KLHL14: variants seen among roughly 807,000 people sequenced by gnomAD.
KLHL14 encodes kelch-like protein 14.
Under a neutral mutation model 64.3 loss-of-function variants are expected in KLHL14, and 22 were observed. The ratio of observed to expected loss-of-function variants is 0.34; its 90% CI spans 0.24 to 0.49. KLHL14 has a LOEUF of 0.49. Ranked by LOEUF, KLHL14 falls within the 20% of genes least tolerant of loss-of-function variation. The pLI, the probability that KLHL14 is intolerant of heterozygous loss-of-function variation, is 0.99. For missense variants in KLHL14, 661 were observed against 789.0 expected, an observed-to-expected ratio of 0.84 and a Z score of 1.94; for synonymous variants, 322 against 333.4, an observed-to-expected ratio of 0.97 and a Z score of 0.37.
At chr18:32,689,725 G>C (rs941868161) in intron 4 of KLHL14, among the ~76,000 whole-genome samples, 5 of 152,162 alleles carry the variant, frequency 3.3e-5, no homozygotes, top group African/African-American at 1.2e-4. Context: ...CTTTAGGATT[G>C]GGGCAGAAAC....
At position 32,687,140 on chromosome 18, in the gene KLHL14, G is replaced by GAAATAA; in HGVS notation, c.1238+9_1238+14dup. 1 of 1,609,660 alleles carries GAAATAA rather than the reference G, an allele frequency of 6.2e-7. No individual in the cohort carries two copies. On this transcript the variant is annotated intron_variant, in intron 5 of 8. Coordinates refer to ENST00000359358, the MANE Select transcript of KLHL14 (RefSeq NM_020805.3). ...GCCGTCACAAACGTTTCAGGTGCAA[G>GAAATAA]AAATAAACACTTACCTTTCCTGCAT...
At chr18:32,692,376 G>C (rs2049911863) in intron 4 of KLHL14, among the ~76,000 whole-genome samples, 1 of 151,656 alleles carries the variant, frequency 6.6e-6, no homozygotes, top group South Asian at 2.1e-4. Flanking sequence ...TTTCATCTCT[G>C]GGACTGACAT....
intron 4 of KLHL14, among the ~76,000 whole-genome samples, chr18:32,694,885 A>C (rs1281578470): frequency 6.6e-6 from 1 of 152,152 alleles, no homozygotes; most frequent in African/African-American, 2.4e-5. Context: ...ACGTGCGTTA[A>C]AATGTTTAAT....
chr18:32,770,649 TG>T lies in KLHL14; in HGVS notation c.-43-16del, dbSNP rs775612027. The T allele has an allele frequency of 3.7e-6, 1 of 267,902 alleles. No homozygotes were observed. Among genetic ancestry groups the T allele is most frequent in the East Asian group, 1.0e-4 (1 of 9,798 alleles). The allele number at this position is 267,902 out of a possible 1,614,324, so 16.6% of individuals were successfully genotyped here. On this transcript the variant is annotated splice_polypyrimidine_tract_variant and intron_variant, in intron 1 of 8. Transcript: ENST00000359358. The surrounding 1 kb of genome is among the most constrained non-coding windows in gnomAD (Gnocchi z 6.7). ...CCTCCTCCAACCTGGCAGACAGGGGTGGGGGATGGGAGGGAGGGGAGCAGGG... is the reference window on the plus strand; with the variant it reads ...CCTCCTCCAACCTGGCAGACAGGGGTGGGGATGGGAGGGAGGGGAGCAGGG...
chr18:32,737,921 A>G (rs2050174406), intron 3 of KLHL14: 1 of 152,204 alleles, frequency 6.6e-6, no homozygotes, highest in Non-Finnish European at 1.5e-5. Flanking sequence ...ACTTAGCTCC[A>G]TAATTTTCAT....
chr18:32,762,766 A>G (rs536829003), intron 2 of KLHL14, among the ~76,000 whole-genome samples: 2 of 152,124 alleles, frequency 1.3e-5, no homozygotes, highest in Non-Finnish European at 2.9e-5. Flanking sequence ...TGTATTGTGA[A>G]TTATCTTGGA....
intron 3 of KLHL14, among the ~76,000 whole-genome samples, chr18:32,739,512 T>TA: frequency 6.6e-6 from 1 of 152,074 alleles, no homozygotes; most frequent in African/African-American, 2.4e-5. Context: ...AAACTATATA[T>TA]TTTTAAGTAC....
intron 2 of KLHL14, among the ~76,000 whole-genome samples, chr18:32,752,325 G>A (rs1048054625): frequency 3.3e-5 from 5 of 152,074 alleles, no homozygotes; most frequent in African/African-American, 1.2e-4. Flanking sequence ...AAAAGGCAAT[G>A]GGGAAAAAGG....
intron 2 of KLHL14, among the ~76,000 whole-genome samples, chr18:32,742,528 C>T (rs1176039990): frequency 2.6e-5 from 4 of 152,144 alleles, no homozygotes; most frequent in Non-Finnish European, 2.9e-5. Flanking sequence ...ACTTCAAATA[C>T]GAGTTTGGTA....
Position 32,674,585 on chromosome 18 carries a change from C to T in KLHL14, c.*72G>A. The T allele has an allele frequency of 2.7e-6, 2 of 741,534 alleles. No homozygotes were observed. Among genetic ancestry groups the T allele is most frequent in the Non-Finnish European group, 5.0e-6 (2 of 396,582 alleles). The allele number at this position is 741,534 out of a possible 1,614,324, so 45.9% of individuals were successfully genotyped here. On this transcript the variant is annotated 3_prime_UTR_variant, in exon 9 of 9. Transcript: ENST00000359358. ...GTTGTACCATTAGAATGCATTGTTC[C>T]TATTATAATAGTGATGTCACCTGCC...
intron 4 of KLHL14, 35 bp downstream of exon 4, chr18:32,695,428 G>A (rs768040425): frequency 3.1e-6 from 4 of 1,287,628 alleles, no homozygotes; most frequent in African/African-American, 1.5e-5. Flanking sequence ...ACACATACTT[G>A]TTGAGCACCT....
chr18:32,715,786 G>A (rs1192948391), intron 3 of KLHL14, among the ~76,000 whole-genome samples: 2 of 152,108 alleles, frequency 1.3e-5, no homozygotes, highest in Non-Finnish European at 2.9e-5. Flanking sequence ...ACCTCAAGTA[G>A]CAGTTGACTT....
At chr18:32,711,641 C>G (rs1427569964) in intron 3 of KLHL14, among the ~76,000 whole-genome samples, 2 of 152,116 alleles carry the variant, frequency 1.3e-5, no homozygotes, top group East Asian at 3.9e-4. Flanking sequence ...GTCCTCTTCC[C>G]TCAGGAAGAG....
chr18:32,685,042 TAAA>T (rs376450918), intron 5 of KLHL14, among the ~76,000 whole-genome samples: 1 of 148,304 alleles, frequency 6.7e-6, no homozygotes, highest in Non-Finnish European at 1.5e-5. Flanking sequence ...GTTCTAAATC[TAAA>T]AAAAAAACTT....
At chr18:32,723,604 G>C (rs970999035) in intron 3 of KLHL14, among the ~76,000 whole-genome samples, 6 of 152,142 alleles carry the variant, frequency 3.9e-5, no homozygotes, top group Non-Finnish European at 8.8e-5. Context: ...GACATGTATT[G>C]AGGGCTTAAA....
chr18:32,693,393 C>A (rs2049918919), intron 4 of KLHL14, among the ~76,000 whole-genome samples: 1 of 118,478 alleles, frequency 8.4e-6, no homozygotes, highest in South Asian at 2.8e-4. Context: ...CACACACACA[C>A]ACACACACAC....
At chr18:32,694,903 T>C (rs985452816) in intron 4 of KLHL14, among the ~76,000 whole-genome samples, 29 of 152,216 alleles carry the variant, frequency 1.9e-4, no homozygotes, top group Admixed American at 1.8e-3. Context: ...AATTTCTCTT[T>C]GCAATAAGTT....
intron 7 of KLHL14, among the ~76,000 whole-genome samples, chr18:32,679,142 G>A (rs879469539): frequency 1.0e-4 from 15 of 145,676 alleles, no homozygotes; most frequent in Admixed American, 3.3e-4. Flanking sequence ...CATGCACTAG[G>A]CTACTGGCAT....
chr18:32,687,813 C>T (rs975901766), intron 4 of KLHL14, among the ~76,000 whole-genome samples: 37 of 152,276 alleles, frequency 2.4e-4, no homozygotes, highest in Non-Finnish European at 4.7e-4. Context: ...TGTGCATGGC[C>T]TCTCTATTGG....
Sources: gnomAD v4.1 joint callset for allele counts (sites outside exome capture counted in the v4.1 genomes callset) on GRCh38, gnomAD v4.1.1 for gene constraint, Gnocchi (gnomAD v3.1) non-coding constraint, MANE v1.5 for transcripts, NCBI Gene and HGNC (gene_info 2026-07-23, HGNC 2026-07-21) for gene names.